The following NRP2 variants were observed in gnomAD, a reference collection of about 807,000 sequenced individuals.
NRP2 encodes neuropilin-2.
In NRP2, 52 loss-of-function variants were observed where a neutral mutation model predicts 110.4. The ratio of observed to expected loss-of-function variants is 0.47; its 90% confidence interval spans 0.38 to 0.59. The LOEUF (loss-of-function observed/expected upper bound fraction) is 0.59. Among genes scored for constraint, NRP2 ranks in the 20% least tolerant of loss-of-function variants. NRP2 has a pLI of 0.00. For missense variants in NRP2, 1,049 were observed against 1,203.0 expected, an observed-to-expected ratio of 0.87 and a Z score of 1.89; for synonymous variants, 508 against 468.9, an observed-to-expected ratio of 1.08 and a Z score of -1.08.
intron 1 of NRP2, among the ~76,000 whole-genome samples, chr2:205,687,254 C>T (rs861078): frequency 0.6 from 91,546 of 152,060 alleles, 29,174 homozygotes; most frequent in East Asian, 0.9. Flanking sequence ...GAAGCAATGA[C>T]GGTCTAGGCG....
In NRP2 at chr2:205,796,683, C is replaced by G. The variant is rs759617953; in HGVS notation, c.*1625C>G. The G allele has an allele frequency of 4.6e-5, 7 of 152,566 alleles. No homozygotes were observed. The highest frequency in any genetic ancestry group is 8.8e-5 in the Non-Finnish European group (6 of 68,038). 9.5% of individuals were successfully genotyped at this position (152,566 alleles called of 1,614,324 possible). On this transcript the variant is annotated 3_prime_UTR_variant, in exon 17 of 17. Transcript: ENST00000357785. ...TAGCCCTAGATGACTCTCAACTACT[C>G]TTCAAAGGGAGGCATCAGGAATAGA... is the stretch of plus-strand genomic sequence containing the variant.
chr2:205,789,555 C>T (rs954904191), intron 15 of NRP2, among the ~76,000 whole-genome samples: 2 of 152,236 alleles, frequency 1.3e-5, no homozygotes, highest in Admixed American at 6.5e-5. Flanking sequence ...GCCCTGACTT[C>T]GGCAGCTAGG....
chr2:205,686,080 G>C lies in NRP2; in HGVS notation c.73+2717G>C, dbSNP rs896974063. Among the ~76,000 whole-genome samples, 4 of 150,826 alleles carry C rather than the reference G, an allele frequency of 2.7e-5. No homozygotes were observed. Among genetic ancestry groups the C allele is most frequent in the African/African-American group, 9.8e-5 (4 of 40,910 alleles). The stretch of plus-strand genomic sequence containing the variant: ...CCAGCGCCTTCTCTAACGCCGCATC[G>C]ATTTGTTTGGGCTACGCAGCAGAAA... On this transcript the variant is annotated intron_variant, in intron 1 of 16. Coordinates refer to ENST00000357785, the MANE Select transcript of NRP2 (RefSeq NM_003872.3). The surrounding 1 kb of genome is among the most constrained non-coding windows in gnomAD (Gnocchi z 4.7).
At chr2:205,697,998 G>C (rs112140482) in intron 2 of NRP2, 50 of 476,948 alleles carry the variant, frequency 1.0e-4, no homozygotes, top group Middle Eastern at 5.9e-4. Context: ...ATTTCCATGT[G>C]GTGGCAGGGG....
At chr2:205,750,762 A>G (rs1258700264) in intron 11 of NRP2, among the ~76,000 whole-genome samples, 1 of 152,202 alleles carries the variant, frequency 6.6e-6, no homozygotes, top group Non-Finnish European at 1.5e-5. Context: ...CAAAGAGACT[A>G]GAGAAGTGAT....
At chr2:205,713,647 G>A (rs1023161568) in intron 2 of NRP2, among the ~76,000 whole-genome samples, 2 of 152,092 alleles carry the variant, frequency 1.3e-5, no homozygotes, top group African/African-American at 2.4e-5. Flanking sequence ...ACAGTATAGC[G>A]TGAACATTTT....
rs1431042451 is a variant in NRP2 at position 205,745,734 on chromosome 2, C to G, written c.1642-12C>G. On this transcript the variant is annotated splice_polypyrimidine_tract_variant and intron_variant, in intron 9 of 16. Coordinates refer to ENST00000357785, the MANE Select transcript of NRP2 (RefSeq NM_003872.3). ...CCACACCAGAAGGGCTGAGTGGCCT[C>G]TCTCCCTGCAGCTGTTCGAAGGGAA... 1.9e-6 allele frequency: 3 copies of G among 1,614,066 alleles called. No homozygotes were observed. Among genetic ancestry groups the G allele is most frequent in the Non-Finnish European group, 2.5e-6 (3 of 1,179,956 alleles).
intron 2 of NRP2, among the ~76,000 whole-genome samples, chr2:205,714,594 A>T (rs377196892): frequency 1.6e-4 from 25 of 152,286 alleles, no homozygotes; most frequent in South Asian, 6.2e-4. Flanking sequence ...AGTCAGCACC[A>T]TCTCCCACAC....
At chr2:205,740,779 C>G in intron 8 of NRP2, 116 bp downstream of exon 8, 2 of 1,149,856 alleles carry the variant, frequency 1.7e-6, no homozygotes, top group Non-Finnish European at 2.5e-6. Context: ...AAGACTGGCT[C>G]AAGGACTCAA....
intron 15 of NRP2, chr2:205,778,623 C>T (rs2058135950): frequency 6.6e-6 from 1 of 152,206 alleles, no homozygotes; most frequent in Non-Finnish European, 1.5e-5. Context: ...ATTGACATTC[C>T]TGTAGGTGCC....
chr2:205,729,512 G>A (rs186703303), intron 7 of NRP2, among the ~76,000 whole-genome samples: 84 of 152,296 alleles, frequency 5.5e-4, no homozygotes, highest in African/African-American at 1.7e-3. Flanking sequence ...GGTAGATCTC[G>A]GAAGCTCAGC....
At chr2:205,704,091 C>A (rs933012011) in intron 2 of NRP2, among the ~76,000 whole-genome samples, 3 of 152,168 alleles carry the variant, frequency 2.0e-5, no homozygotes, top group East Asian at 1.9e-4. Context: ...CGACCTCCCC[C>A]ACCCCGCCGC....
chr2:205,692,427 C>T (rs748734876), intron 1 of NRP2, among the ~76,000 whole-genome samples: 1 of 152,170 alleles, frequency 6.6e-6, no homozygotes, highest in Non-Finnish European at 1.5e-5. Context: ...ATTCTTAAAA[C>T]GCAGCTTATC....
intron 3 of NRP2, among the ~76,000 whole-genome samples, chr2:205,721,577 G>A (rs915180459): frequency 7.2e-5 from 11 of 152,154 alleles, no homozygotes; most frequent in Non-Finnish European, 1.6e-4. Context: ...TAGGGTGGCT[G>A]TAATCCTCTT....
chr2:205,790,235 A>G (rs1435065292), intron 15 of NRP2, among the ~76,000 whole-genome samples: 5 of 152,226 alleles, frequency 3.3e-5, no homozygotes, highest in Non-Finnish European at 4.4e-5. Context: ...TTAGGAAATC[A>G]TCTCATCCAG....
chr2:205,776,459 G>A (rs1251951976), intron 15 of NRP2: 3 of 1,612,516 alleles, frequency 1.9e-6, no homozygotes, highest in Non-Finnish European at 2.5e-6. Flanking sequence ...TACACCAACG[G>A]GGCCCCTCTG....
At chr2:205,691,687 T>C (rs922553093) in intron 1 of NRP2, among the ~76,000 whole-genome samples, 3 of 152,230 alleles carry the variant, frequency 2.0e-5, no homozygotes, top group Admixed American at 2.0e-4. Flanking sequence ...CTTCCCCAAA[T>C]GTCTCCTAAA....
At chr2:205,786,681 G>T (rs1289417560) in intron 15 of NRP2, among the ~76,000 whole-genome samples, 1 of 152,244 alleles carries the variant, frequency 6.6e-6, no homozygotes, top group East Asian at 1.9e-4. Flanking sequence ...GGTAGGTTAA[G>T]TGGATGTGCT....
chr2:205,733,275 T>C (rs1298227724), intron 7 of NRP2, among the ~76,000 whole-genome samples: 2 of 152,162 alleles, frequency 1.3e-5, no homozygotes, highest in African/African-American at 4.8e-5. Flanking sequence ...CTGTCTCCAG[T>C]AGCTGAGGCG....
Sources: allele counts gnomAD v4.1 joint callset (sites outside exome capture counted in the v4.1 genomes callset), GRCh38; gene constraint gnomAD v4.1.1; non-coding constraint Gnocchi (gnomAD v3.1); transcripts MANE v1.5; gene names NCBI Gene and HGNC (gene_info 2026-07-23, HGNC 2026-07-21).